The following TRIM31 variants were observed in gnomAD, a reference collection of about 807,000 sequenced individuals.
TRIM31 encodes tripartite motif containing 31.
TRIM31 carries 31 observed loss-of-function variants against 40.6 expected under a neutral mutation model. That is an observed-to-expected ratio of 0.76 (90% confidence interval 0.57 to 1.03). TRIM31 has a LOEUF of 1.03. Ranked by LOEUF, TRIM31 falls within the 50% of genes least tolerant of loss-of-function variation. The pLI, the probability that TRIM31 is intolerant of heterozygous loss-of-function variation, is 0.00. For synonymous variants in TRIM31, 164 were observed against 193.9 expected, an observed-to-expected ratio of 0.85 and a Z score of 1.28; for missense variants, 455 against 497.5, an observed-to-expected ratio of 0.91 and a Z score of 0.81.
At chr6:30,103,857 G>T in intron 8 of TRIM31, 68 bp from the exon 9 acceptor site, 1 of 1,602,230 alleles carries the variant, frequency 6.2e-7, no homozygotes, top group Non-Finnish European at 8.5e-7. Flanking sequence ...TCCATTGCCA[G>T]ACAGCACAGC....
chr6:30,105,265 A>C, intron 6 of TRIM31, 23 bp from the exon 7 acceptor site: 1 of 1,597,198 alleles, frequency 6.3e-7, no homozygotes, highest in Non-Finnish European at 8.6e-7. Context: ...GAATGGGATG[A>C]AATGGTGAGA....
At chr6:30,109,380 T>G (rs1260389025) in intron 4 of TRIM31, among the ~76,000 whole-genome samples, 1 of 152,188 alleles carries the variant, frequency 6.6e-6, no homozygotes, top group African/African-American at 2.4e-5. Flanking sequence ...TGCATGATCT[T>G]TCTTAAAATA....
At chr6:30,105,069 A>T in intron 7 of TRIM31, 99 bp downstream of exon 7, 10 of 1,037,630 alleles carry the variant, frequency 9.6e-6, no homozygotes, top group Non-Finnish European at 1.4e-5. Flanking sequence ...ATCGGCATTC[A>T]CTTATATCTG....
At position 30,107,907 on chromosome 6, in the gene TRIM31, C is replaced by G; in HGVS notation, c.883+146G>C. ...ATGCCTGGGAGGAGGCATACTGATG[C>G]GTGGAAAGTACTCAGCCAGAAGCCT... On this transcript the variant is annotated intron_variant, in intron 6 of 8. Transcript: ENST00000376734. 4.8e-6 allele frequency: 3 copies of G among 620,842 alleles called. No homozygotes were observed. In the South Asian group the frequency reaches 5.9e-5, roughly 12 times the overall value. The allele number at this position is 620,842 out of a possible 1,614,324, so 38.5% of individuals were successfully genotyped here.
intron 2 of TRIM31, 77 bp downstream of exon 2, chr6:30,112,311 TG>T: frequency 6.6e-7 from 1 of 1,516,622 alleles, no homozygotes; most frequent in Non-Finnish European, 8.9e-7. Flanking sequence ...AAACCCTCAG[TG>T]GGAAGGTAGC....
In TRIM31 at chr6:30,112,404, A is replaced by G; in HGVS notation, c.402T>C (p.Ala134=). 6.2e-7 allele frequency: 1 copy of G among 1,611,378 alleles called. No homozygotes were observed. Among genetic ancestry groups the G allele is most frequent in the South Asian group, 1.1e-5 (1 of 90,716 alleles). ...AAATGCCTACCTGATAATTCTGGGCAGCTTCTTCGATCAAGCTGACATTAT... is the reference window on the plus strand; with the variant it reads ...AAATGCCTACCTGATAATTCTGGGCGGCTTCTTCGATCAAGCTGACATTAT... ...KSHNVSLIEE[A]AQNYQGQIQE... is the part of the protein sequence containing the mutation. Residue 134 remains alanine, a synonymous_variant, in exon 2 of 9, where the codon GCT becomes GCC. Transcript: ENST00000376734.
At chr6:30,106,581 TAAAATA>T (rs1768725643) in intron 6 of TRIM31, among the ~76,000 whole-genome samples, 1 of 141,976 alleles carries the variant, frequency 7.0e-6, no homozygotes, top group African/African-American at 2.6e-5. Context: ...GGGGTAAAAA[TAAAATA>T]AAAATAAGAG....
intron 5 of TRIM31, 180 bp downstream of exon 5, chr6:30,108,846 C>A (rs1241617954): frequency 5.9e-6 from 4 of 677,478 alleles, no homozygotes; most frequent in African/African-American, 1.8e-5. Context: ...CTTTAACAAC[C>A]AACCACGTGC....
At chr6:30,107,300 T>A (rs1184839967) in intron 6 of TRIM31, among the ~76,000 whole-genome samples, 1 of 141,292 alleles carries the variant, frequency 7.1e-6, no homozygotes, top group Non-Finnish European at 1.5e-5. Flanking sequence ...GGTGGAGATC[T>A]TGGGGCATTG....
chr6:30,108,386 T>C (rs3132677), intron 5 of TRIM31, among the ~76,000 whole-genome samples: 124,295 of 151,630 alleles, frequency 0.82, 51,343 homozygotes, highest in East Asian at 0.92. Context: ...TGGTAAAACC[T>C]GGTCTCTACT....
intron 3 of TRIM31, 79 bp from the exon 4 acceptor site, chr6:30,110,757 T>G: frequency 7.3e-7 from 1 of 1,373,990 alleles, no homozygotes; most frequent in East Asian, 2.3e-5. Context: ...CCATTAATTT[T>G]ATTAAGTTTG....
chr6:30,105,510 A>G (rs893297688), intron 6 of TRIM31: 1 of 273,978 alleles, frequency 3.6e-6, no homozygotes, highest in Non-Finnish European at 6.7e-6. Flanking sequence ...ATATTTTTAA[A>G]TTTTCTAGTA....
At position 30,108,340 on chromosome 6, in the gene TRIM31, C is replaced by T. The variant is rs11961190; in HGVS notation, c.768-172G>A. On this transcript the variant is annotated intron_variant, in intron 5 of 8. Transcript: ENST00000376734. ...TTGGGAGGCTGAGGCGGGTGGATCA[C>T]CTGAGGTCAGGAGTTCAAGACTAGC... The T allele has an allele frequency of 3.3e-3, 1,921 of 584,612 alleles. 3 individuals are homozygous for T. The highest frequency in any genetic ancestry group is 8.0e-3 in the African/African-American group (430 of 53,456). The allele number at this position is 584,612 out of a possible 1,614,324, so 36.2% of individuals were successfully genotyped here.
chr6:30,107,860 TC>T (rs951628984), intron 6 of TRIM31, 192 bp downstream of exon 6: 11 of 571,138 alleles, frequency 1.9e-5, no homozygotes, highest in Admixed American at 1.8e-4. Flanking sequence ...AAATAACATA[TC>T]ACAAAGACAG....
Position 30,112,885 on chromosome 6 carries a change from G to T in TRIM31, c.-80C>A. On this transcript the variant is annotated 5_prime_UTR_variant, in exon 2 of 9. Transcript: ENST00000376734. The stretch of plus-strand genomic sequence containing the variant: ...AGCCCCGGAGTCCACTGTGGATACT[G>T]TTTCTAGGAAGGGAGAAGGGAGTCA... 7.1e-7 allele frequency: 1 copy of T among 1,413,610 alleles called. No homozygotes were observed. Among genetic ancestry groups the T allele is most frequent in the Non-Finnish European group, 9.4e-7 (1 of 1,059,210 alleles). The allele number at this position is 1,413,610 out of a possible 1,614,324, so 87.6% of individuals were successfully genotyped here.
intron 6 of TRIM31, among the ~76,000 whole-genome samples, chr6:30,106,665 T>G (rs62390186): frequency 6.6e-6 from 1 of 151,106 alleles, no homozygotes; most frequent in Non-Finnish European, 1.5e-5. Context: ...TTTGTGTATG[T>G]GAAAGAGGGA....
intron 7 of TRIM31, among the ~76,000 whole-genome samples, chr6:30,104,715 T>C (rs1355457600): frequency 6.6e-6 from 1 of 152,194 alleles, no homozygotes. Context: ...CTTTAAGAAA[T>C]GGTACTTCTA....
At chr6:30,109,691 G>A (rs1769098497) in intron 4 of TRIM31, among the ~76,000 whole-genome samples, 1 of 152,100 alleles carries the variant, frequency 6.6e-6, no homozygotes, top group African/African-American at 2.4e-5. Context: ...GACCATCCTG[G>A]CCAACATGGT....
chr6:30,107,049 G>A (rs925793312), intron 6 of TRIM31, among the ~76,000 whole-genome samples: 5 of 152,090 alleles, frequency 3.3e-5, no homozygotes, highest in Admixed American at 1.3e-4. Flanking sequence ...GCAGTGAGCC[G>A]AGATTGCGCC....
Sources: allele counts gnomAD v4.1 joint callset (sites outside exome capture counted in the v4.1 genomes callset), GRCh38; gene constraint gnomAD v4.1.1; transcripts MANE v1.5; gene names NCBI Gene and HGNC (gene_info 2026-07-23, HGNC 2026-07-21).